Variants in PKP4 observed in about 807,000 individuals in gnomAD.
PKP4 encodes plakophilin-4.
Under a neutral mutation model 145.1 loss-of-function variants are expected in PKP4, and 90 were observed. The ratio of observed to expected loss-of-function variants is 0.62; its 90% CI spans 0.52 to 0.74. The LOEUF (loss-of-function observed/expected upper bound fraction) is 0.74, where lower values mean the gene tolerates loss of function less well. PKP4 is among the 30% of genes least tolerant of loss of function. The pLI, the probability that PKP4 is intolerant of heterozygous loss-of-function variation, is 0.00. For missense variants in PKP4, 1,340 were observed against 1,482.7 expected (o/e 0.90, Z 1.58); for synonymous variants, 563 against 577.2 (o/e 0.98, Z 0.35).
At chr2:158,607,895 T>A (rs574289657) in intron 4 of PKP4, among the ~76,000 whole-genome samples, 1 of 152,302 alleles carries the variant, frequency 6.6e-6, no homozygotes, top group South Asian at 2.1e-4. Context: ...CCCCGTTGCT[T>A]AAGTCATTTG....
intron 9 of PKP4, among the ~76,000 whole-genome samples, chr2:158,639,228 C>G (rs918741319): frequency 2.0e-5 from 3 of 152,162 alleles, no homozygotes; most frequent in Admixed American, 6.5e-5. Context: ...TTTAGTTTGG[C>G]AGAGAAGACC....
intron 1 of PKP4, among the ~76,000 whole-genome samples, chr2:158,473,286 G>C (rs908749531): frequency 6.6e-6 from 1 of 152,078 alleles, no homozygotes; most frequent in African/African-American, 2.4e-5. Context: ...ACTACCATTC[G>C]ACCCAGCAAT....
chr2:158,505,188 G>T (rs1434540060), intron 1 of PKP4, among the ~76,000 whole-genome samples: 1 of 152,190 alleles, frequency 6.6e-6, no homozygotes, highest in Non-Finnish European at 1.5e-5. Flanking sequence ...TACTTTGTTA[G>T]CCATACAGGT....
chr2:158,500,278 G>C (rs1485479271), intron 1 of PKP4, among the ~76,000 whole-genome samples: 2 of 152,200 alleles, frequency 1.3e-5, no homozygotes, highest in Non-Finnish European at 2.9e-5. Context: ...AGAGAAAGCA[G>C]TCACCCTGAT....
At chr2:158,565,435 C>CTTTTTTTTTTTTTTTTTTTCTTTT (rs10690465) in intron 2 of PKP4, among the ~76,000 whole-genome samples, 5 of 135,754 alleles carry the variant, frequency 3.7e-5, no homozygotes, top group African/African-American at 5.5e-5. Context: ...TTCTTTTTTC[C>CTTTTTTTTTTTTTTTTTTTCTTTT]TTTTTTTTTT....
At chr2:158,567,481 C>G (rs923807281) in intron 2 of PKP4, among the ~76,000 whole-genome samples, 1 of 152,086 alleles carries the variant, frequency 6.6e-6, no homozygotes, top group Non-Finnish European at 1.5e-5. Flanking sequence ...GAGCGTGGTG[C>G]GCAGTGGTTA....
intron 11 of PKP4, among the ~76,000 whole-genome samples, chr2:158,645,569 G>A (rs1018174878): frequency 2.0e-5 from 3 of 152,174 alleles, no homozygotes; most frequent in East Asian, 3.9e-4. Flanking sequence ...GCAGTCCATC[G>A]TGTGCGCTAC....
chr2:158,676,593 C>T, intron 19 of PKP4, 146 bp from the exon 20 acceptor site: 1 of 976,556 alleles, frequency 1.0e-6, no homozygotes, highest in African/African-American at 1.6e-5. Flanking sequence ...CTCTTCCACT[C>T]CCAGCACCTC....
intron 3 of PKP4, among the ~76,000 whole-genome samples, chr2:158,585,851 C>A (rs2048754262): frequency 6.7e-6 from 1 of 149,268 alleles, no homozygotes; most frequent in South Asian, 2.1e-4. Context: ...AGTTGTGCAA[C>A]CATCACCACT....
chr2:158,591,175 T>A (rs1374714099), intron 3 of PKP4, among the ~76,000 whole-genome samples: 1 of 152,052 alleles, frequency 6.6e-6, no homozygotes, highest in Admixed American at 6.6e-5. Flanking sequence ...CAGAAGATTT[T>A]TAGAGACATA....
chr2:158,608,242 C>T (rs946702503), intron 4 of PKP4, among the ~76,000 whole-genome samples: 4 of 152,064 alleles, frequency 2.6e-5, no homozygotes, highest in African/African-American at 4.8e-5. Flanking sequence ...TATACTATTA[C>T]GTGCTTAGTA....
In PKP4 at chr2:158,673,897, G is replaced by T; in HGVS notation, c.3024G>T (p.Gln1008His). The change falls in exon 19 of 22, where the codon CAG becomes CAT. Residue 1008 changes from glutamine to histidine, a missense_variant. Transcript: ENST00000389759. ...TAACTCTGCAGGATGGGTGGAATCA[G>T]AACCATTTTATTACACCTGTGTCGA... Reference protein sequence around the residue: ...RSIYKKDGWNQNHFITPVSTL... With the variant: ...RSIYKKDGWNHNHFITPVSTL... 4 of 1,608,340 alleles carry T rather than the reference G, an allele frequency of 2.5e-6. No individual in the cohort carries two copies. The highest frequency in any genetic ancestry group is 3.4e-6 in the Non-Finnish European group (4 of 1,174,722).
At chr2:158,621,551 G>T (rs1245277148) in intron 6 of PKP4, 130 bp downstream of exon 6, 3 of 680,334 alleles carry the variant, frequency 4.4e-6, no homozygotes, top group Non-Finnish European at 7.5e-6. Context: ...TTCAAGACCA[G>T]CCTGCCTAAC....
At chr2:158,556,050 C>T (rs751861110) in intron 2 of PKP4, among the ~76,000 whole-genome samples, 4 of 152,094 alleles carry the variant, frequency 2.6e-5, no homozygotes, top group African/African-American at 7.2e-5. Context: ...TGAATTAGAG[C>T]CAAGATTCAA....
At chr2:158,479,274 A>G (rs1692977247) in intron 1 of PKP4, among the ~76,000 whole-genome samples, 1 of 151,908 alleles carries the variant, frequency 6.6e-6, no homozygotes, top group South Asian at 2.1e-4. Context: ...CTCAGGTTGG[A>G]GTGCAGTGGC....
chr2:158,525,955 A>G (rs1469104549), intron 1 of PKP4, among the ~76,000 whole-genome samples: 1 of 151,340 alleles, frequency 6.6e-6, no homozygotes, highest in Non-Finnish European at 1.5e-5. Context: ...ATCTCTGAAT[A>G]GACCAATAAC....
chr2:158,644,884 T>G (rs2054679245), intron 11 of PKP4, among the ~76,000 whole-genome samples: 1 of 152,214 alleles, frequency 6.6e-6, no homozygotes, highest in Non-Finnish European at 1.5e-5. Flanking sequence ...TATATTTTCT[T>G]TGCCTTTTTT....
chr2:158,603,804 A>T (rs1027611048), intron 4 of PKP4, among the ~76,000 whole-genome samples: 4 of 152,200 alleles, frequency 2.6e-5, no homozygotes, highest in Non-Finnish European at 4.4e-5. Context: ...AGTAATGTGA[A>T]CAATGTTGTA....
chr2:158,530,476 C>G (rs186305015), intron 1 of PKP4, among the ~76,000 whole-genome samples: 93 of 140,674 alleles, frequency 6.6e-4, no homozygotes, highest in African/African-American at 2.3e-3. Flanking sequence ...TTCTCACAGT[C>G]TCTTTACGAT....
Sources: allele counts gnomAD v4.1 joint callset (sites outside exome capture counted in the v4.1 genomes callset), GRCh38; gene constraint gnomAD v4.1.1; transcripts MANE v1.5; gene names NCBI Gene and HGNC (gene_info 2026-07-23, HGNC 2026-07-21).